The following NEK11 variants were observed in gnomAD, a reference collection of about 807,000 sequenced individuals.
NEK11 encodes the protein serine/threonine-protein kinase Nek11.
Under a neutral mutation model 80.7 loss-of-function variants are expected in NEK11, and 72 were observed. The observed-to-expected ratio is 0.89, with a 90% CI of 0.74 to 1.08. The LOEUF is 1.08. Among genes scored for constraint, NEK11 ranks in the 50% least tolerant of loss-of-function variants. NEK11 has a pLI of 0.00. For synonymous variants in NEK11, 251 were observed against 260.7 expected (o/e 0.96, Z 0.36); for missense variants, 764 against 763.6 (o/e 1.00, Z -0.01).
chr3:131,071,366 C>T (rs939271002), intron 3 of NEK11, among the ~76,000 whole-genome samples: 1 of 151,806 alleles, frequency 6.6e-6, no homozygotes, highest in Admixed American at 6.6e-5. Flanking sequence ...GAGTGAAAAC[C>T]AAATATTTTA....
intron 10 of NEK11, among the ~76,000 whole-genome samples, chr3:131,157,044 A>G (rs1329938291): frequency 6.6e-6 from 1 of 152,008 alleles, no homozygotes; most frequent in African/African-American, 2.4e-5. Flanking sequence ...TTTCAATGGG[A>G]CACCAAAACT....
chr3:131,349,485 T>C, intron 17 of NEK11, 72 bp from the exon 18 acceptor site: 1 of 1,310,392 alleles, frequency 7.6e-7, no homozygotes. Context: ...AAATCAATGA[T>C]TTAAAAGCAC....
intron 17 of NEK11, among the ~76,000 whole-genome samples, chr3:131,332,526 G>A (rs1289699738): frequency 2.4e-4 from 36 of 152,268 alleles, no homozygotes; most frequent in East Asian, 5.8e-4. Context: ...AAAAAACAGA[G>A]CAGAAAAACT....
At chr3:131,228,271 C>T (rs80204176) in intron 14 of NEK11, among the ~76,000 whole-genome samples, 2,792 of 152,160 alleles carry the variant, frequency 0.018, 43 homozygotes, top group East Asian at 0.085. Context: ...ATTATTTATT[C>T]TTATTTAATG....
chr3:131,096,658 A>T (rs534745964), intron 4 of NEK11, among the ~76,000 whole-genome samples: 307 of 152,222 alleles, frequency 2.0e-3, no homozygotes, highest in South Asian at 6.6e-3. Context: ...CTGGGTAAGC[A>T]TTCACTTTTC....
chr3:131,083,991 C>G (rs1279889682), intron 4 of NEK11, among the ~76,000 whole-genome samples: 2 of 152,148 alleles, frequency 1.3e-5, no homozygotes, highest in African/African-American at 4.8e-5. Context: ...AATGCCCTTC[C>G]TCCTAGTCCC....
chr3:131,282,515 G>T (rs957290340), intron 17 of NEK11, among the ~76,000 whole-genome samples: 19 of 152,148 alleles, frequency 1.2e-4, no homozygotes, highest in African/African-American at 4.6e-4. Context: ...ATAGATGCCT[G>T]TTCTCCTCCC....
intron 14 of NEK11, among the ~76,000 whole-genome samples, chr3:131,209,987 G>C (rs988694016): frequency 1.1e-4 from 17 of 152,062 alleles, no homozygotes; most frequent in African/African-American, 4.1e-4. Context: ...AGCTCCTTCA[G>C]ATCTGCTCTG....
At chr3:131,105,389 T>A (rs1394027758) in intron 4 of NEK11, among the ~76,000 whole-genome samples, 20 of 152,234 alleles carry the variant, frequency 1.3e-4, no homozygotes, top group Admixed American at 1.3e-3. Flanking sequence ...CGTCTAATCT[T>A]AGCTAGCTTA....
chr3:131,348,802 TCA>T (rs748101489), intron 17 of NEK11, among the ~76,000 whole-genome samples: 1 of 151,930 alleles, frequency 6.6e-6, no homozygotes, highest in Non-Finnish European at 1.5e-5. Flanking sequence ...CTTTTAAGCC[TCA>T]GTTTCTTCAT....
intron 10 of NEK11, among the ~76,000 whole-genome samples, chr3:131,161,164 A>G (rs1198857742): frequency 6.6e-5 from 10 of 150,918 alleles, no homozygotes; most frequent in Admixed American, 5.3e-4. Flanking sequence ...AAAAAAAAAA[A>G]GAAAAAAAAA....
chr3:131,214,950 T>G (rs2094771074), intron 14 of NEK11, among the ~76,000 whole-genome samples: 1 of 152,140 alleles, frequency 6.6e-6, no homozygotes, highest in South Asian at 2.1e-4. Flanking sequence ...GTAGTTAAAT[T>G]TAGCCCTGGT....
chr3:131,238,443 G>T (rs2095469312), intron 15 of NEK11, among the ~76,000 whole-genome samples: 1 of 152,162 alleles, frequency 6.6e-6, no homozygotes, highest in African/African-American at 2.4e-5. Flanking sequence ...TGAATGAATG[G>T]ATGCAGTGTA....
chr3:131,058,551 T>C (rs955259245), intron 3 of NEK11, among the ~76,000 whole-genome samples: 2 of 152,178 alleles, frequency 1.3e-5, no homozygotes, highest in African/African-American at 2.4e-5. Context: ...AAAAGAAAGC[T>C]GTGGGTGTAA....
intron 17 of NEK11, among the ~76,000 whole-genome samples, chr3:131,303,861 G>A (rs900922355): frequency 6.6e-6 from 1 of 152,120 alleles, no homozygotes. Flanking sequence ...ATCTCACAAG[G>A]GTTCTCTGCA....
At chr3:131,290,020 G>A (rs1186133070) in intron 17 of NEK11, among the ~76,000 whole-genome samples, 1 of 152,218 alleles carries the variant, frequency 6.6e-6, no homozygotes, top group Non-Finnish European at 1.5e-5. Flanking sequence ...GCCTTTGATT[G>A]AAGCAGACAA....
chr3:131,298,703 TG>T (rs1263619154), intron 17 of NEK11, among the ~76,000 whole-genome samples: 6 of 151,774 alleles, frequency 4.0e-5, no homozygotes, highest in Non-Finnish European at 7.4e-5. Context: ...GTGGTGGTGG[TG>T]GTGGTGGTGG....
At chr3:131,333,692 G>T (rs1452985116) in intron 17 of NEK11, among the ~76,000 whole-genome samples, 1 of 152,162 alleles carries the variant, frequency 6.6e-6, no homozygotes, top group East Asian at 1.9e-4. Context: ...AAAGAGTCAA[G>T]ACCCATCAGT....
At chr3:131,151,552 T>C (rs1484518504) in intron 7 of NEK11, among the ~76,000 whole-genome samples, 4 of 152,028 alleles carry the variant, frequency 2.6e-5, no homozygotes, top group Non-Finnish European at 5.9e-5. Flanking sequence ...CAATCACAAG[T>C]TTATTTCTTA....
Sources: gnomAD v4.1 joint callset for allele counts (sites outside exome capture counted in the v4.1 genomes callset) on GRCh38, gnomAD v4.1.1 for gene constraint, MANE v1.5 for transcripts, NCBI Gene and HGNC (gene_info 2026-07-23, HGNC 2026-07-21) for gene names.